Variants in P2RX3 observed in about 807,000 individuals in gnomAD.
The protein encoded by P2RX3 is P2X purinoceptor 3.
P2RX3 carries 41 observed loss-of-function variants against 51.5 expected under a neutral mutation model. The ratio of observed to expected loss-of-function variants is 0.80; its 90% CI spans 0.62 to 1.03. P2RX3 has a LOEUF of 1.03. Ranked by LOEUF, P2RX3 falls within the 50% of genes least tolerant of loss-of-function variation. The pLI is 0.00. For synonymous variants in P2RX3, 185 were observed against 191.6 expected, an observed-to-expected ratio of 0.97 and a Z score of 0.29; for missense variants, 459 against 522.1, an observed-to-expected ratio of 0.88 and a Z score of 1.18.
intron 8 of P2RX3, among the ~76,000 whole-genome samples, chr11:57,351,403 T>A (rs1278580308): frequency 1.3e-5 from 2 of 152,252 alleles, no homozygotes; most frequent in African/African-American, 4.8e-5. Context: ...TCTCTGGTTC[T>A]TCAATGCCTC....
intron 10 of P2RX3, among the ~76,000 whole-genome samples, chr11:57,368,672 A>G (rs1462947072): frequency 6.6e-6 from 1 of 152,208 alleles, no homozygotes; most frequent in Non-Finnish European, 1.5e-5. Context: ...TCCCGTTTTC[A>G]GGAGACTCCA....
At chr11:57,358,891 A>T (rs1405520682) in intron 8 of P2RX3, among the ~76,000 whole-genome samples, 2 of 152,134 alleles carry the variant, frequency 1.3e-5, no homozygotes, top group East Asian at 3.9e-4. Flanking sequence ...GCACACTCAC[A>T]CACACACGCA....
intron 8 of P2RX3, among the ~76,000 whole-genome samples, chr11:57,355,002 G>T (rs1326246732): frequency 2.6e-5 from 4 of 152,214 alleles, no homozygotes. Context: ...CATGGAGACG[G>T]ACAGAGCTGT....
At position 57,347,200 on chromosome 11, in the gene P2RX3, C is replaced by T. The variant is rs200051274; in HGVS notation, c.327+13C>T. 183 of 1,612,346 alleles carry T rather than the reference C, an allele frequency of 1.1e-4. No homozygotes were observed. Among genetic ancestry groups the T allele is most frequent in the Middle Eastern group, 3.3e-4 (2 of 6,058 alleles). On this transcript the variant is annotated intron_variant, in intron 3 of 11. Transcript: ENST00000263314. ...ATTCTGCCCAGAGGTGAGGGGAGGACAGAGGTTGGGTGAAGCAGGTCAAGG... is the reference window on the plus strand; with the variant it reads ...ATTCTGCCCAGAGGTGAGGGGAGGATAGAGGTTGGGTGAAGCAGGTCAAGG...
chr11:57,343,720 G>A (rs1003247642), intron 1 of P2RX3, among the ~76,000 whole-genome samples: 7 of 152,180 alleles, frequency 4.6e-5, no homozygotes, highest in African/African-American at 1.7e-4. Context: ...TCCTTAGGTC[G>A]ACACTGAGAA....
intron 8 of P2RX3, among the ~76,000 whole-genome samples, chr11:57,351,114 G>C (rs2134423589): frequency 6.6e-6 from 1 of 152,254 alleles, no homozygotes; most frequent in African/African-American, 2.4e-5. Context: ...AGGGGACCAC[G>C]CCAAGGATTC....
intron 1 of P2RX3, among the ~76,000 whole-genome samples, chr11:57,342,148 C>A (rs1210009832): frequency 8.3e-5 from 4 of 48,360 alleles, no homozygotes; most frequent in African/African-American, 1.8e-4. Flanking sequence ...GCTGCCCCAT[C>A]TTTTTTTTTT....
chr11:57,355,606 G>T (rs1184265654), intron 8 of P2RX3, among the ~76,000 whole-genome samples: 1 of 152,164 alleles, frequency 6.6e-6, no homozygotes, highest in African/African-American at 2.4e-5. Context: ...CTCCCAAAGT[G>T]CTGGGATTAT....
intron 10 of P2RX3, 49 bp downstream of exon 10, chr11:57,368,486 G>C (rs191093674): frequency 6.3e-7 from 1 of 1,597,374 alleles, no homozygotes; most frequent in Non-Finnish European, 8.6e-7. Context: ...AGTGGGGCCC[G>C]GACTGGTACC....
Position 57,369,930 on chromosome 11 carries a change from A to T in P2RX3, c.1127A>T (p.Tyr376Phe). ...LKIAALTNPV[Y>F]PSDQTTAEKQ... is the part of the protein sequence containing the mutation. The stretch of plus-strand genomic sequence containing the variant: ...ATCGCGGCTTTGACCAACCCAGTGT[A>T]CCCCAGCGACCAGACCACAGCGGAG... Residue 376 changes from tyrosine (Y) to phenylalanine (F), a missense_variant, in exon 12 of 12, where the codon TAC becomes TTC. Transcript: ENST00000263314. The T allele has an allele frequency of 1.2e-6, 2 of 1,614,080 alleles. No homozygotes were observed. The highest frequency in any genetic ancestry group is 1.7e-6 in the Non-Finnish European group (2 of 1,179,992).
At chr11:57,339,719 G>A (rs576206355) in intron 1 of P2RX3, among the ~76,000 whole-genome samples, 9 of 152,344 alleles carry the variant, frequency 5.9e-5, no homozygotes, top group Admixed American at 3.9e-4. Context: ...CTTTGCATTT[G>A]AGGCAGCAAT....
At position 57,347,531 on chromosome 11, in the gene P2RX3, G is replaced by T. The variant is rs1289397532; in HGVS notation, c.391+53G>T. On this transcript the variant is annotated intron_variant, in intron 4 of 11. Coordinates refer to ENST00000263314, the MANE Select transcript of P2RX3 (RefSeq NM_002559.5). ...AATCCCAAGTGTTAGTGGGACCCAT[G>T]GGGGAGAGCCCGTCGTTGGAGAGGG... 4.6e-6 allele frequency: 7 copies of T among 1,533,992 alleles called. 1 individual carries two copies. In the South Asian group the frequency reaches 7.2e-5, roughly 16 times the overall value.
intron 8 of P2RX3, among the ~76,000 whole-genome samples, chr11:57,351,698 T>C (rs1238468810): frequency 1.3e-5 from 2 of 152,134 alleles, no homozygotes; most frequent in African/African-American, 2.4e-5. Flanking sequence ...TTCTCTCTTC[T>C]TTTTTTTCTG....
At chr11:57,362,801 G>A (rs900447641) in intron 8 of P2RX3, among the ~76,000 whole-genome samples, 4 of 152,140 alleles carry the variant, frequency 2.6e-5, no homozygotes, top group Admixed American at 2.6e-4. Context: ...GCAATGGGGT[G>A]GTTGTGAGCA....
chr11:57,348,132 G>GTA, intron 4 of P2RX3, 38 bp from the exon 5 acceptor site: 1 of 1,524,912 alleles, frequency 6.6e-7, no homozygotes, highest in Non-Finnish European at 8.9e-7. Flanking sequence ...AGGAGCAAAG[G>GTA]GCAGGCAGCC....
chr11:57,348,235 T>G lies in P2RX3; in HGVS notation c.457T>G (p.Cys153Gly), dbSNP rs1856478322. Reference protein sequence around the residue: ...VLRTCEIQGWCPTEVDTVETP... With the variant: ...VLRTCEIQGWGPTEVDTVETP... ...CCGGACCTGTGAGATCCAGGGCTGG[T>G]GCCCCACGGAGGTGGACACAGTGGA... Residue 153 changes from cysteine (C) to glycine (G), a missense_variant, in exon 5 of 12, where the codon TGC (cysteine) becomes GGC (glycine). Transcript: ENST00000263314. 6.2e-7 allele frequency: 1 copy of G among 1,604,218 alleles called. No homozygotes were observed. Among genetic ancestry groups the G allele is most frequent in the African/African-American group, 1.3e-5 (1 of 74,830 alleles).
At chr11:57,347,927 CAAG>C (rs548183970) in intron 4 of P2RX3, among the ~76,000 whole-genome samples, 97 of 152,208 alleles carry the variant, frequency 6.4e-4, no homozygotes, top group East Asian at 1.9e-3. Flanking sequence ...GAAGGAAGCA[CAAG>C]AAGAAGAGGT....
At chr11:57,337,159 G>T (rs142055729), upstream of P2RX3, among the ~76,000 whole-genome samples, 93 of 151,946 alleles carry the variant, frequency 6.1e-4, no homozygotes, top group East Asian at 0.017. Context: ...AGGCGTGGTG[G>T]CGGGTGCCTA....
chr11:57,347,270 G>A (rs1377736186), intron 3 of P2RX3, 83 bp downstream of exon 3: 9 of 1,517,780 alleles, frequency 5.9e-6, no homozygotes, highest in Non-Finnish European at 8.2e-6. Context: ...GGAGGTATGA[G>A]CAGAGGCCCC....
Sources: allele counts gnomAD v4.1 joint callset (sites outside exome capture counted in the v4.1 genomes callset), GRCh38; gene constraint gnomAD v4.1.1; transcripts MANE v1.5; gene names NCBI Gene and HGNC (gene_info 2026-07-23, HGNC 2026-07-21).